The following HNRNPLL variants were observed in gnomAD, a reference collection of about 807,000 sequenced individuals.
The protein encoded by HNRNPLL is heterogeneous nuclear ribonucleoprotein L-like.
HNRNPLL carries 25 observed loss-of-function variants against 67.1 expected under a neutral mutation model. The observed-to-expected ratio is 0.37, with a 90% CI of 0.27 to 0.52. The LOEUF (loss-of-function observed/expected upper bound fraction) is 0.52. Ranked by LOEUF, HNRNPLL falls within the 20% of genes least tolerant of loss-of-function variation. The pLI is 0.90. For synonymous variants in HNRNPLL, 267 were observed against 241.7 expected, an observed-to-expected ratio of 1.10 and a Z score of -0.97; for missense variants, 542 against 673.9, an observed-to-expected ratio of 0.80 and a Z score of 2.17.
intron 6 of HNRNPLL, among the ~76,000 whole-genome samples, chr2:38,580,640 A>G (rs919987015): frequency 6.6e-6 from 1 of 152,212 alleles, no homozygotes; most frequent in Non-Finnish European, 1.5e-5. Flanking sequence ...GATGTAGCCA[A>G]TACTGCAGCC....
At chr2:38,591,674 TAAA>T in intron 1 of HNRNPLL, 26 bp from the exon 2 acceptor site, 1 of 1,531,430 alleles carries the variant, frequency 6.5e-7, no homozygotes, top group Non-Finnish European at 9.0e-7. Flanking sequence ...AATTTCTAGT[TAAA>T]AAAATTTTAA....
At chr2:38,576,561 CACAA>C (rs1666307936) in intron 7 of HNRNPLL, among the ~76,000 whole-genome samples, 1 of 151,472 alleles carries the variant, frequency 6.6e-6, no homozygotes, top group Admixed American at 6.6e-5. Flanking sequence ...ACATACACAA[CACAA>C]ACACACTACT....
At chr2:38,582,010 G>T in intron 5 of HNRNPLL, 25 bp from the exon 6 acceptor site, 2 of 1,600,678 alleles carry the variant, frequency 1.2e-6, no homozygotes, top group Middle Eastern at 1.7e-4. Context: ...AATAATGTAA[G>T]TTCAAACTGC....
At position 38,602,136 on chromosome 2, in the gene HNRNPLL, AC is replaced by A. The variant is rs1402933361; in HGVS notation, c.189+301del. ...AACAAAGAGCTCCCCGAGCCGCGAA[AC>A]CCCCCAGAGCGGAAGCGACGCCTCC... On this transcript the variant is annotated intron_variant, in intron 1 of 12. Transcript: ENST00000449105. 2.2e-5 allele frequency: 9 copies of A among 402,738 alleles called. No individual in the cohort carries two copies. In the Admixed American group the frequency reaches 4.0e-4, roughly 18 times the overall value. The allele number at this position is 402,738 out of a possible 1,614,324, so 24.9% of individuals were successfully genotyped here.
chr2:38,596,364 T>G (rs769081674), intron 1 of HNRNPLL, among the ~76,000 whole-genome samples: 1 of 152,034 alleles, frequency 6.6e-6, no homozygotes, highest in Non-Finnish European at 1.5e-5. Context: ...GTTCAAGCAG[T>G]TCTCCTGCCT....
At chr2:38,574,947 T>C (rs1666243208) in intron 7 of HNRNPLL, among the ~76,000 whole-genome samples, 1 of 151,822 alleles carries the variant, frequency 6.6e-6, no homozygotes, top group Non-Finnish European at 1.5e-5. Context: ...ATATACATAA[T>C]ATACTGCCTC....
At chr2:38,581,493 G>T (rs1666527559) in intron 6 of HNRNPLL, 1 of 209,788 alleles carries the variant, frequency 4.8e-6, no homozygotes, top group African/African-American at 2.3e-5. Flanking sequence ...TGTGCATGAT[G>T]AAGTGTAGAG....
intron 6 of HNRNPLL, among the ~76,000 whole-genome samples, chr2:38,578,662 T>G (rs1330241262): frequency 1.3e-5 from 2 of 152,072 alleles, no homozygotes; most frequent in Non-Finnish European, 2.9e-5. Flanking sequence ...AATGTAAAAA[T>G]TCTCTTTACA....
At chr2:38,572,005 A>AG (rs1010487819) in intron 8 of HNRNPLL, among the ~76,000 whole-genome samples, 31 of 152,212 alleles carry the variant, frequency 2.0e-4, no homozygotes, top group African/African-American at 7.0e-4. Context: ...AAACACAAAA[A>AG]GAAAATACTC....
chr2:38,582,306 A>G (rs942278766), intron 4 of HNRNPLL, 138 bp from the exon 5 acceptor site: 8 of 704,510 alleles, frequency 1.1e-5, no homozygotes, highest in African/African-American at 5.4e-5. Context: ...ATGAATTTTA[A>G]GAGAATTTTT....
chr2:38,600,362 T>A (rs1667378217), intron 1 of HNRNPLL, among the ~76,000 whole-genome samples: 1 of 152,192 alleles, frequency 6.6e-6, no homozygotes, highest in African/African-American at 2.4e-5. Context: ...AAAAGGCATG[T>A]GTTTCAACCT....
chr2:38,593,615 C>T (rs1015341295), intron 1 of HNRNPLL, among the ~76,000 whole-genome samples: 4 of 152,116 alleles, frequency 2.6e-5, no homozygotes, highest in African/African-American at 7.2e-5. Context: ...CTGGGCCAGA[C>T]GTGGTGGCTC....
At chr2:38,579,619 C>T (rs1238286457) in intron 6 of HNRNPLL, among the ~76,000 whole-genome samples, 2 of 151,836 alleles carry the variant, frequency 1.3e-5, no homozygotes, top group African/African-American at 4.8e-5. Context: ...CTATCTACTA[C>T]AGGTTCTAAG....
intron 2 of HNRNPLL, among the ~76,000 whole-genome samples, chr2:38,588,951 T>A (rs921139491): frequency 6.6e-6 from 1 of 152,140 alleles, no homozygotes; most frequent in Non-Finnish European, 1.5e-5. Context: ...TGCTTTTAAC[T>A]CCATCAATTT....
At chr2:38,575,054 G>A (rs935296666) in intron 7 of HNRNPLL, among the ~76,000 whole-genome samples, 2 of 151,690 alleles carry the variant, frequency 1.3e-5, no homozygotes, top group African/African-American at 2.4e-5. Flanking sequence ...TGGTAGACAG[G>A]CAGTGGAAAC....
At position 38,569,575 on chromosome 2, in the gene HNRNPLL, G is replaced by T. The variant is rs1665991438; in HGVS notation, c.1214+229C>A. ...TTAGAAAACTTTAACATAAAAACGT[G>T]CCCATTTTAACACGTTTTATCATCA... On this transcript the variant is annotated intron_variant, in intron 9 of 12. Coordinates refer to ENST00000449105, the MANE Select transcript of HNRNPLL (RefSeq NM_138394.4). 2.0e-5 allele frequency among the ~76,000 whole-genome samples: 3 copies of T among 151,930 alleles called. No homozygotes were observed. The South Asian group carries it at 6.2e-4, about 32-fold the overall frequency.
At chr2:38,598,527 A>C (rs1046690493) in intron 1 of HNRNPLL, among the ~76,000 whole-genome samples, 1 of 152,212 alleles carries the variant, frequency 6.6e-6, no homozygotes, top group East Asian at 1.9e-4. Context: ...AGTTGTGTTC[A>C]ATTTCATGGA....
intron 6 of HNRNPLL, chr2:38,581,674 G>A (rs1417783173): frequency 3.2e-5 from 17 of 530,200 alleles, no homozygotes; most frequent in Non-Finnish European, 4.9e-5. Flanking sequence ...CTTGAACTGC[G>A]GGCGTGCCTG....
intron 1 of HNRNPLL, among the ~76,000 whole-genome samples, chr2:38,595,494 T>C (rs956573799): frequency 1.3e-5 from 2 of 152,016 alleles, no homozygotes; most frequent in Admixed American, 6.6e-5. Context: ...TAATATATTA[T>C]TATTTAATTA....
Sources: allele counts gnomAD v4.1 joint callset (sites outside exome capture counted in the v4.1 genomes callset), GRCh38; gene constraint gnomAD v4.1.1; transcripts MANE v1.5; gene names NCBI Gene and HGNC (gene_info 2026-07-23, HGNC 2026-07-21).